Variants in SH3BGRL2 observed in about 807,000 individuals in gnomAD.
SH3BGRL2 encodes SH3 domain binding glutamate rich protein like 2.
In SH3BGRL2, 21 loss-of-function variants were observed where a neutral mutation model predicts 14.8. The observed-to-expected ratio is 1.42, with a 90% confidence interval of 1.01 to 2.05. The LOEUF is 2.05. Ranked by LOEUF, SH3BGRL2 falls within the 30% of genes most tolerant of loss-of-function variation. The pLI is 0.00. For synonymous variants in SH3BGRL2, 50 were observed against 47.8 expected, an observed-to-expected ratio of 1.05 and a Z score of -0.19; for missense variants, 147 against 130.8, an observed-to-expected ratio of 1.12 and a Z score of -0.61.
intron 3 of SH3BGRL2, among the ~76,000 whole-genome samples, chr6:79,698,760 A>T (rs1207482241): frequency 3.3e-5 from 5 of 151,802 alleles, no homozygotes; most frequent in African/African-American, 4.8e-5. Flanking sequence ...TGGTGGGGGG[A>T]TCTCAGTTTC....
the SH3BGRL2 span, among the ~76,000 whole-genome samples, chr6:79,597,313 G>GA: frequency 7.4e-6 from 1 of 135,106 alleles, no homozygotes; most frequent in African/African-American, 2.8e-5. Context: ...AGAAAAGAAA[G>GA]AAAGAGAAAA....
At chr6:79,557,824 A>G in the SH3BGRL2 span, among the ~76,000 whole-genome samples, 2 of 152,212 alleles carry the variant, frequency 1.3e-5, no homozygotes, top group Non-Finnish European at 2.9e-5. Flanking sequence ...CTTGGAAGGC[A>G]TAACTTTTTC....
chr6:79,594,718 G>C, the SH3BGRL2 span, among the ~76,000 whole-genome samples: 1 of 152,134 alleles, frequency 6.6e-6, no homozygotes, highest in African/African-American at 2.4e-5. Flanking sequence ...GAGGACCCTG[G>C]AGGAGTCTTA....
chr6:79,548,143 A>G, the SH3BGRL2 span, among the ~76,000 whole-genome samples: 13 of 152,336 alleles, frequency 8.5e-5, no homozygotes, highest in African/African-American at 3.1e-4. Flanking sequence ...TGCTGGGATT[A>G]TAAGCCTGAG....
At chr6:79,659,361 G>T (rs865920878) in intron 1 of SH3BGRL2, among the ~76,000 whole-genome samples, 50 of 152,308 alleles carry the variant, frequency 3.3e-4, no homozygotes, top group Middle Eastern at 3.4e-3. Flanking sequence ...CATATGGCTA[G>T]CCAGTTTTCC....
intron 1 of SH3BGRL2, among the ~76,000 whole-genome samples, chr6:79,667,030 A>G (rs1391537919): frequency 6.6e-6 from 1 of 152,264 alleles, no homozygotes; most frequent in Non-Finnish European, 1.5e-5. Flanking sequence ...TTAATTTTCC[A>G]GTGAACCTAT....
At chr6:79,609,343 C>G in the SH3BGRL2 span, among the ~76,000 whole-genome samples, 1 of 152,144 alleles carries the variant, frequency 6.6e-6, no homozygotes, top group South Asian at 2.1e-4. Context: ...AGGCAAACAT[C>G]CAGATGAGTT....
chr6:79,648,274 ATATAT>A (rs1562146727), intron 1 of SH3BGRL2, among the ~76,000 whole-genome samples: 2 of 130,532 alleles, frequency 1.5e-5, no homozygotes, highest in African/African-American at 2.8e-5. Context: ...ATATATATAT[ATATAT>A]ATATTTGACA....
At chr6:79,579,832 C>A in the SH3BGRL2 span, among the ~76,000 whole-genome samples, 1 of 152,054 alleles carries the variant, frequency 6.6e-6, no homozygotes, top group African/African-American at 2.4e-5. Context: ...GCTAAATGCC[C>A]CAATTAAAAG....
chr6:79,573,507 A>G, the SH3BGRL2 span, among the ~76,000 whole-genome samples: 2 of 152,162 alleles, frequency 1.3e-5, no homozygotes, highest in Non-Finnish European at 2.9e-5. Flanking sequence ...AAGGATTCTA[A>G]TGACTCCTTC....
At chr6:79,635,425 G>A (rs887252268) in intron 1 of SH3BGRL2, among the ~76,000 whole-genome samples, 1 of 152,224 alleles carries the variant, frequency 6.6e-6, no homozygotes, top group Non-Finnish European at 1.5e-5. Flanking sequence ...TTCTTGCATT[G>A]AATGACTCAT....
chr6:79,672,250 T>C lies in SH3BGRL2; in HGVS notation c.46-1364T>C, dbSNP rs1277823783. Among the ~76,000 whole-genome samples, 5 of 152,244 alleles carry C rather than the reference T, an allele frequency of 3.3e-5. No individual in the cohort carries two copies. The East Asian group carries it at 9.6e-4, about 29-fold the overall frequency. On this transcript the variant is annotated intron_variant, in intron 1 of 3. Transcript: ENST00000369838. ...TTGAATATTAACACATTTATTATAA[T>C]CTTCAAAACATTTTAAAATAAAACT... is the stretch of plus-strand genomic sequence containing the variant.
chr6:79,682,964 A>G (rs1770016421), intron 2 of SH3BGRL2, among the ~76,000 whole-genome samples: 1 of 152,226 alleles, frequency 6.6e-6, no homozygotes, highest in Admixed American at 6.5e-5. Context: ...AAAACCGAAC[A>G]CTGCATGTTC....
chr6:79,601,749 T>C, the SH3BGRL2 span, among the ~76,000 whole-genome samples: 1 of 152,196 alleles, frequency 6.6e-6, no homozygotes. Flanking sequence ...CCGTATTTAA[T>C]AGAGTTAACC....
chr6:79,543,426 A>G, the SH3BGRL2 span, among the ~76,000 whole-genome samples: 75 of 152,232 alleles, frequency 4.9e-4, no homozygotes, highest in Non-Finnish European at 9.7e-4. Context: ...TATAATAGAA[A>G]GTAATGGTCC....
intron 1 of SH3BGRL2, among the ~76,000 whole-genome samples, chr6:79,656,985 T>C (rs1218703694): frequency 6.6e-6 from 1 of 152,220 alleles, no homozygotes; most frequent in Non-Finnish European, 1.5e-5. Flanking sequence ...GGGGTGTGTG[T>C]ACAAGTCTTT....
intron 1 of SH3BGRL2, among the ~76,000 whole-genome samples, chr6:79,647,027 A>G (rs1257374835): frequency 1.3e-5 from 2 of 152,190 alleles, no homozygotes; most frequent in African/African-American, 4.8e-5. Context: ...GTATGAACGT[A>G]TGTTTTCAGT....
At chr6:79,674,826 C>A (rs892109497) in intron 2 of SH3BGRL2, among the ~76,000 whole-genome samples, 1 of 152,176 alleles carries the variant, frequency 6.6e-6, no homozygotes, top group African/African-American at 2.4e-5. Flanking sequence ...CTTATGTCGG[C>A]TGGGACACCT....
At chr6:79,675,433 T>G (rs1769861409) in intron 2 of SH3BGRL2, among the ~76,000 whole-genome samples, 1 of 152,198 alleles carries the variant, frequency 6.6e-6, no homozygotes, top group Non-Finnish European at 1.5e-5. Context: ...GGTGAATTAC[T>G]ATGGTATGAG....
Sources: gnomAD v4.1 joint callset for allele counts (sites outside exome capture counted in the v4.1 genomes callset) on GRCh38, gnomAD v4.1.1 for gene constraint, MANE v1.5 for transcripts, NCBI Gene and HGNC (gene_info 2026-07-23, HGNC 2026-07-21) for gene names.